Variants in LUZP2 observed in about 807,000 individuals in gnomAD.
The protein encoded by LUZP2 is leucine zipper protein 2.
In LUZP2, 52 loss-of-function variants were observed where a neutral mutation model predicts 51.6. The ratio of observed to expected loss-of-function variants is 1.01; its 90% CI spans 0.81 to 1.27. The LOEUF (loss-of-function observed/expected upper bound fraction) is 1.27. LUZP2 is among the 50% of genes most tolerant of loss of function. LUZP2 has a pLI of 0.00. For synonymous variants in LUZP2, 154 were observed against 137.3 expected, an observed-to-expected ratio of 1.12 and a Z score of -0.85; for missense variants, 436 against 395.4, an observed-to-expected ratio of 1.10 and a Z score of -0.87.
chr11:24,711,307 G>T (rs993885000), intron 1 of LUZP2, among the ~76,000 whole-genome samples: 1 of 152,020 alleles, frequency 6.6e-6, no homozygotes, highest in Non-Finnish European at 1.5e-5. Context: ...AAAATTAGCC[G>T]GGTGTGGCGG....
chr11:24,968,917 TCA>T (rs1210664657), intron 7 of LUZP2, among the ~76,000 whole-genome samples: 1 of 152,218 alleles, frequency 6.6e-6, no homozygotes, highest in Non-Finnish European at 1.5e-5. Flanking sequence ...CACAATTGGT[TCA>T]CAGTTGTTTA....
At chr11:24,803,675 C>A (rs1215388665) in intron 5 of LUZP2, among the ~76,000 whole-genome samples, 2 of 151,964 alleles carry the variant, frequency 1.3e-5, no homozygotes, top group Non-Finnish European at 2.9e-5. Context: ...CTGACATATG[C>A]CACGACATGA....
intron 5 of LUZP2, among the ~76,000 whole-genome samples, chr11:24,897,321 C>T (rs979671028): frequency 3.9e-5 from 6 of 152,258 alleles, no homozygotes; most frequent in African/African-American, 1.2e-4. Flanking sequence ...AGTAGCAACC[C>T]GCCTCTGTGG....
At chr11:25,001,204 C>A (rs1590820843) in intron 9 of LUZP2, among the ~76,000 whole-genome samples, 1 of 152,178 alleles carries the variant, frequency 6.6e-6, no homozygotes, top group African/African-American at 2.4e-5. Context: ...TCCATATTAA[C>A]TGAGAATTGG....
chr11:24,614,212 T>A (rs893305159), intron 1 of LUZP2, among the ~76,000 whole-genome samples: 3 of 151,968 alleles, frequency 2.0e-5, no homozygotes, highest in Admixed American at 2.0e-4. Context: ...TATATTTGAA[T>A]CCTCGTTCTT....
chr11:24,583,654 A>G (rs919112150), intron 1 of LUZP2, among the ~76,000 whole-genome samples: 2 of 151,996 alleles, frequency 1.3e-5, no homozygotes, highest in African/African-American at 4.8e-5. Flanking sequence ...AGAAAAATAA[A>G]GCAGATTGTA....
intron 1 of LUZP2, among the ~76,000 whole-genome samples, chr11:24,708,212 C>T (rs1817950012): frequency 6.6e-6 from 1 of 152,144 alleles, no homozygotes; most frequent in African/African-American, 2.4e-5. Flanking sequence ...ATTTGGAACT[C>T]ATATCCAACA....
intron 1 of LUZP2, among the ~76,000 whole-genome samples, chr11:24,723,610 G>A (rs1189145118): frequency 6.6e-6 from 1 of 152,162 alleles, no homozygotes; most frequent in African/African-American, 2.4e-5. Flanking sequence ...AGAATTATTT[G>A]AAGCCCAGAG....
chr11:24,985,464 C>G (rs966757019), intron 9 of LUZP2, among the ~76,000 whole-genome samples: 1 of 151,708 alleles, frequency 6.6e-6, no homozygotes, highest in East Asian at 1.9e-4. Context: ...CTGCATTTTG[C>G]GTAAAACGAC....
At chr11:25,077,489 T>C in intron 11 of LUZP2, 83 bp downstream of exon 11, 2 of 505,160 alleles carry the variant, frequency 4.0e-6, no homozygotes, top group East Asian at 1.3e-4. Flanking sequence ...ATTTATATTA[T>C]TTTTTATTTT....
intron 5 of LUZP2, among the ~76,000 whole-genome samples, chr11:24,821,280 A>T (rs1470446226): frequency 2.0e-5 from 3 of 152,116 alleles, no homozygotes; most frequent in Non-Finnish European, 2.9e-5. Flanking sequence ...ATTCTTCAAC[A>T]TTAAAGTAGT....
At chr11:24,950,927 G>GT (rs941703648) in intron 7 of LUZP2, among the ~76,000 whole-genome samples, 111 of 150,438 alleles carry the variant, frequency 7.4e-4, no homozygotes, top group African/African-American at 1.2e-3. Context: ...AAGTTTTTTA[G>GT]TTTTTTTTTG....
At chr11:24,908,289 ATCAC>A (rs1853521674) in intron 6 of LUZP2, among the ~76,000 whole-genome samples, 1 of 152,162 alleles carries the variant, frequency 6.6e-6, no homozygotes, top group South Asian at 2.1e-4. Context: ...TACCAAAATC[ATCAC>A]TCCTATTTTA....
intron 9 of LUZP2, among the ~76,000 whole-genome samples, chr11:25,029,736 C>CA (rs372357127): frequency 0.58 from 66,649 of 114,120 alleles, 19,602 homozygotes; most frequent in African/African-American, 0.79. Flanking sequence ...GACTCTGTCT[C>CA]AAAAAAAAAA....
intron 1 of LUZP2, among the ~76,000 whole-genome samples, chr11:24,638,689 A>G (rs1397809084): frequency 6.8e-6 from 1 of 147,272 alleles, no homozygotes; most frequent in Non-Finnish European, 1.5e-5. Flanking sequence ...TGATAATGAA[A>G]GTGGAAATTA....
At chr11:24,908,178 A>T (rs1053658175) in intron 6 of LUZP2, among the ~76,000 whole-genome samples, 1 of 152,216 alleles carries the variant, frequency 6.6e-6, no homozygotes, top group Admixed American at 6.5e-5. Context: ...GTCAGTATTC[A>T]TAGAATAAAA....
intron 7 of LUZP2, among the ~76,000 whole-genome samples, chr11:24,937,351 A>C (rs2133843556): frequency 6.6e-6 from 1 of 152,338 alleles, no homozygotes; most frequent in East Asian, 1.9e-4. Flanking sequence ...ACTAAGCTTA[A>C]GTAAAGTCAC....
At chr11:24,706,928 G>A (rs1056156559) in intron 1 of LUZP2, among the ~76,000 whole-genome samples, 1 of 149,036 alleles carries the variant, frequency 6.7e-6, no homozygotes, top group African/African-American at 2.5e-5. Context: ...AGCACCATTT[G>A]TTTCTATAGC....
chr11:24,816,450 G>C (rs528233964), intron 5 of LUZP2, among the ~76,000 whole-genome samples: 3 of 152,148 alleles, frequency 2.0e-5, no homozygotes, highest in Admixed American at 2.0e-4. Context: ...CAAGATAAGA[G>C]CTCAAGTGAA....
Sources: allele counts gnomAD v4.1 joint callset (sites outside exome capture counted in the v4.1 genomes callset), GRCh38; gene constraint gnomAD v4.1.1; transcripts MANE v1.5; gene names NCBI Gene and HGNC (gene_info 2026-07-23, HGNC 2026-07-21).